The following TNS1 variants were observed in gnomAD, a reference collection of about 807,000 sequenced individuals.
The protein encoded by TNS1 is tensin 1.
Under a neutral mutation model 168.6 loss-of-function variants are expected in TNS1, and 62 were observed. The observed-to-expected ratio is 0.37, with a 90% CI of 0.30 to 0.45. TNS1 has a LOEUF of 0.45. Among genes scored for constraint, TNS1 ranks in the 20% least tolerant of loss-of-function variants. The pLI, the probability that TNS1 is intolerant of heterozygous loss-of-function variation, is 1.00. For synonymous variants in TNS1, 934 were observed against 933.2 expected, an observed-to-expected ratio of 1.00 and a Z score of -0.02; for missense variants, 2,240 against 2,339.4, an observed-to-expected ratio of 0.96 and a Z score of 0.88.
At chr2:217,814,784 C>A in intron 25 of TNS1, 128 bp downstream of exon 25, 1 of 715,052 alleles carries the variant, frequency 1.4e-6, no homozygotes. Flanking sequence ...CAGCTTCAAC[C>A]CCAGCCCCCT....
At chr2:217,959,882 G>T (rs1397151469) in intron 3 of TNS1, among the ~76,000 whole-genome samples, 2 of 152,036 alleles carry the variant, frequency 1.3e-5, no homozygotes, top group Non-Finnish European at 2.9e-5. Flanking sequence ...GCTGGGGCTG[G>T]GAGGGTGGGA....
upstream of TNS1, among the ~76,000 whole-genome samples, chr2:218,013,280 G>C (rs1205548460): frequency 6.6e-6 from 1 of 151,618 alleles, no homozygotes; most frequent in Non-Finnish European, 1.5e-5. Flanking sequence ...GAAAGAAATT[G>C]CATTCAGCAC....
chr2:217,897,975 G>C lies in TNS1; in HGVS notation c.372-6C>G. On this transcript the variant is annotated splice_region_variant and splice_polypyrimidine_tract_variant and intron_variant, in intron 7 of 32. Coordinates refer to ENST00000682258, the MANE Select transcript of TNS1 (RefSeq NM_001387777.1). ...TCCGGCTCACACTCATGTTTCTAGG[G>C]AGACAGCAGGCAGCGGAGGGTCCAT... The C allele has an allele frequency of 6.3e-7, 1 of 1,599,396 alleles. No individual in the cohort carries two copies. The highest frequency in any genetic ancestry group is 8.5e-7 in the Non-Finnish European group (1 of 1,172,750).
chr2:217,852,005 C>T (rs1478624936), intron 18 of TNS1, among the ~76,000 whole-genome samples: 2 of 152,124 alleles, frequency 1.3e-5, no homozygotes, highest in African/African-American at 2.4e-5. Flanking sequence ...ATTAGCCAGG[C>T]GTGGTAGCAC....
At chr2:217,996,873 C>G (rs181052248) in intron 1 of TNS1, among the ~76,000 whole-genome samples, 1 of 152,094 alleles carries the variant, frequency 6.6e-6, no homozygotes, top group South Asian at 2.1e-4. Context: ...CAGAATAAAC[C>G]CTGCCCTCCC....
rs1202449340 is a variant in TNS1, at chr2:217,886,090, G to A, written c.994C>T (p.Leu332Phe). ...FESKGGCRPF[L>F]RIYQAMQPVY... Reference sequence around the variant, plus strand: ...GGTTGCATGGCCTGGTAGATGCGGAGAAATGGCCGACATCCTGTAAAAGTG... The same window carrying A: ...GGTTGCATGGCCTGGTAGATGCGGAAAAATGGCCGACATCCTGTAAAAGTG... Residue 332 changes from leucine to phenylalanine, a missense_variant, in exon 14 of 33, where the codon CTC becomes TTC. Physicochemically the swap from Leu to Phe is conservative, Grantham distance 22 (BLOSUM62 0). Coordinates refer to ENST00000682258, the MANE Select transcript of TNS1 (RefSeq NM_001387777.1). The A allele has an allele frequency of 1.9e-6, 3 of 1,614,028 alleles. No individual in the cohort carries two copies. Among genetic ancestry groups the A allele is most frequent in the Non-Finnish European group, 1.7e-6 (2 of 1,180,000 alleles).
At chr2:218,016,964 G>A (rs1366982380) in intron 1 of TNS1, among the ~76,000 whole-genome samples, 2 of 152,182 alleles carry the variant, frequency 1.3e-5, no homozygotes, top group East Asian at 3.9e-4. Context: ...ATCAAAGAAC[G>A]AGGAGAGAAC....
Position 218,016,707 on chromosome 2 carries a change from A to AC in TNS1, c.156+17112dup, listed in dbSNP as rs564440368. On this transcript the variant is annotated intron_variant, in intron 1 of 1. Transcript: ENST00000649572. The stretch of plus-strand genomic sequence containing the variant: ...GATGAGGACAGGAGGAAGGGAATGG[A>AC]CCCCCCCAGAAAGACAATCCAAAAT... Among the ~76,000 whole-genome samples the AC allele has an allele frequency of 7.9e-5, 12 of 151,804 alleles. No homozygotes were observed. The East Asian group carries it at 2.1e-3, about 27-fold the overall frequency.
At chr2:217,989,458 C>A (rs1027400757) in intron 2 of TNS1, among the ~76,000 whole-genome samples, 1 of 151,998 alleles carries the variant, frequency 6.6e-6, no homozygotes, top group African/African-American at 2.4e-5. Flanking sequence ...CCTTGGGAGG[C>A]CCTGCAATTG....
At chr2:217,837,244 C>G (rs1450090118) in intron 19 of TNS1, among the ~76,000 whole-genome samples, 1 of 152,164 alleles carries the variant, frequency 6.6e-6, no homozygotes, top group Admixed American at 6.5e-5. Context: ...CTGCCAGCCC[C>G]TAGGAATGTG....
rs571666721 is a variant in TNS1, at chr2:217,918,528, A to C, written c.228+1667T>G. The stretch of plus-strand genomic sequence containing the variant: ...CGAGTCTCTTCTGGATTCTAACTGC[A>C]GTCCCCCCAGCTGGAATGCCAACCT... On this transcript the variant is annotated intron_variant, in intron 4 of 32. Transcript: ENST00000682258. 2.6e-5 allele frequency among the ~76,000 whole-genome samples: 4 copies of C among 152,324 alleles called. No individual in the cohort carries two copies. In the East Asian group the frequency reaches 7.7e-4, roughly 29 times the overall value.
intron 3 of TNS1, among the ~76,000 whole-genome samples, chr2:217,932,454 T>C (rs944711504): frequency 1.8e-4 from 27 of 152,208 alleles, no homozygotes; most frequent in African/African-American, 6.5e-4. Context: ...GGATACAGAA[T>C]ATGCTTAGGA....
chr2:217,805,651 C>CACAACACACAT (rs1938778302), intron 32 of TNS1, among the ~76,000 whole-genome samples: 2 of 110,930 alleles, frequency 1.8e-5, no homozygotes, highest in African/African-American at 3.5e-5. Flanking sequence ...ACATCACACA[C>CACAACACACAT]ACACAACACA....
At chr2:218,005,707 C>T (rs1308493426), upstream of TNS1, among the ~76,000 whole-genome samples, 2 of 152,208 alleles carry the variant, frequency 1.3e-5, no homozygotes, top group South Asian at 2.1e-4. Context: ...TGAAGAATGA[C>T]TCAATCACTC....
intron 22 of TNS1, among the ~76,000 whole-genome samples, chr2:217,827,045 T>C (rs1312280720): frequency 6.6e-6 from 1 of 152,058 alleles, no homozygotes; most frequent in African/African-American, 2.4e-5. Flanking sequence ...ACATTTTAGA[T>C]TGAGCCACAT....
chr2:217,920,050 C>A (rs1955553702), intron 4 of TNS1, 145 bp downstream of exon 4: 2 of 657,492 alleles, frequency 3.0e-6, no homozygotes, highest in African/African-American at 1.8e-5. Flanking sequence ...AGGCCCGCTT[C>A]GGCCCAGGGA....
intron 3 of TNS1, among the ~76,000 whole-genome samples, chr2:217,974,936 T>C (rs1158044096): frequency 6.6e-6 from 1 of 152,222 alleles, no homozygotes; most frequent in South Asian, 2.1e-4. Flanking sequence ...CTTATGTAGA[T>C]TCTTTCCACA....
chr2:217,943,616 C>T (rs1957021500), intron 3 of TNS1, among the ~76,000 whole-genome samples: 1 of 152,178 alleles, frequency 6.6e-6, no homozygotes, highest in Admixed American at 6.5e-5. Context: ...CCCCAGACAT[C>T]CCTGCCAGAA....
At chr2:217,830,487 C>A in intron 22 of TNS1, 2 of 1,428,680 alleles carry the variant, frequency 1.4e-6, no homozygotes, top group Non-Finnish European at 1.9e-6. Flanking sequence ...CCCACATGGC[C>A]ACCAAGGGCC....
Sources: allele counts gnomAD v4.1 joint callset (sites outside exome capture counted in the v4.1 genomes callset), GRCh38; gene constraint gnomAD v4.1.1; transcripts MANE v1.5; gene names NCBI Gene and HGNC (gene_info 2026-07-23, HGNC 2026-07-21).